The following FARS2 variants were observed in gnomAD, a reference collection of about 807,000 sequenced individuals.
The protein encoded by FARS2 is phenylalanine--tRNA ligase, mitochondrial.
Under a neutral mutation model 46.4 loss-of-function variants are expected in FARS2, and 40 were observed. The observed-to-expected ratio is 0.86, with a 90% CI of 0.67 to 1.12. The LOEUF is 1.12. Among genes scored for constraint, FARS2 ranks in the 50% most tolerant of loss-of-function variants. The probability of loss-of-function intolerance (pLI) is 0.00; values close to 1 mark genes in which losing one functional copy is unlikely to be tolerated. For synonymous variants in FARS2, 234 were observed against 214.9 expected (o/e 1.09, Z -0.78); for missense variants, 513 against 567.9 (o/e 0.90, Z 0.98).
chr6:5,685,706 G>A (rs536611690), intron 6 of FARS2, among the ~76,000 whole-genome samples: 1 of 152,232 alleles, frequency 6.6e-6, no homozygotes, highest in East Asian at 1.9e-4. Context: ...GGGGTAAGGG[G>A]AACATGCTAT....
At chr6:5,525,773 T>C (rs1333694533) in intron 4 of FARS2, among the ~76,000 whole-genome samples, 1 of 152,252 alleles carries the variant, frequency 6.6e-6, no homozygotes, top group African/African-American at 2.4e-5. Context: ...GATAATTAAC[T>C]TGGCTTCAGC....
chr6:5,345,396 T>C (rs1047018485), intron 1 of FARS2, among the ~76,000 whole-genome samples: 3 of 152,176 alleles, frequency 2.0e-5, no homozygotes, highest in Non-Finnish European at 2.9e-5. Flanking sequence ...ACTGCAGAGA[T>C]TGTGAAACTG....
chr6:5,487,705 G>A (rs1022700679), intron 4 of FARS2, among the ~76,000 whole-genome samples: 3 of 152,220 alleles, frequency 2.0e-5, no homozygotes, highest in African/African-American at 7.2e-5. Context: ...GACATCTGAT[G>A]TAGGTACGTG....
At chr6:5,419,943 A>G (rs1762451124) in intron 3 of FARS2, among the ~76,000 whole-genome samples, 1 of 152,088 alleles carries the variant, frequency 6.6e-6, no homozygotes, top group Non-Finnish European at 1.5e-5. Flanking sequence ...TACATTTTGT[A>G]TTAGTCCATT....
rs76953815 is a variant in FARS2, at chr6:5,417,019, T to C, written c.772+12318T>C. 1.9e-3 allele frequency among the ~76,000 whole-genome samples: 297 copies of C among 152,322 alleles called. 1 individual carries two copies. The highest frequency in any genetic ancestry group is 6.9e-3 in the African/African-American group (287 of 41,580). ...ATATTTAAATAGTAAGAAAAGTCTTTATATCTCCTAGGTCCTTACCATCTT... is the reference window on the plus strand; with the variant it reads ...ATATTTAAATAGTAAGAAAAGTCTTCATATCTCCTAGGTCCTTACCATCTT... On this transcript the variant is annotated intron_variant, in intron 3 of 6. Coordinates refer to ENST00000274680, the MANE Select transcript of FARS2 (RefSeq NM_006567.5).
intron 2 of FARS2, among the ~76,000 whole-genome samples, chr6:5,378,377 T>C (rs1487226349): frequency 2.6e-5 from 4 of 152,196 alleles, no homozygotes; most frequent in East Asian, 1.9e-4. Context: ...TGGCATCCTT[T>C]GTGGTTCATC....
At chr6:5,651,176 C>G (rs1318404872) in intron 6 of FARS2, among the ~76,000 whole-genome samples, 1 of 152,102 alleles carries the variant, frequency 6.6e-6, no homozygotes, top group Non-Finnish European at 1.5e-5. Flanking sequence ...AGAAGTGGAG[C>G]AGTTAGGTTT....
chr6:5,736,250 C>G (rs555781599), intron 6 of FARS2, among the ~76,000 whole-genome samples: 2 of 152,318 alleles, frequency 1.3e-5, no homozygotes, highest in Non-Finnish European at 2.9e-5. Context: ...GGGAGTGACC[C>G]AAGAGCAGGG....
Position 5,377,168 on chromosome 6 carries a change from A to G in FARS2, c.612+7986A>G, listed in dbSNP as rs531012218. On this transcript the variant is annotated intron_variant, in intron 2 of 6. Transcript: ENST00000274680. Reference sequence around the variant, plus strand: ...GGAAACTCTTACAAATCCTGTGTCTATTTAATCTGATTAAAAATGTCAGTT... The same window carrying G: ...GGAAACTCTTACAAATCCTGTGTCTGTTTAATCTGATTAAAAATGTCAGTT... Among the ~76,000 whole-genome samples, 28 of 152,324 alleles carry G rather than the reference A, an allele frequency of 1.8e-4. No individual in the cohort carries two copies. In the South Asian group the frequency reaches 4.3e-3, roughly 24 times the overall value.
intron 6 of FARS2, among the ~76,000 whole-genome samples, chr6:5,758,225 G>A (rs1297283559): frequency 1.5e-4 from 22 of 151,420 alleles, no homozygotes; most frequent in Non-Finnish European, 8.8e-5. Context: ...AATTTTTATA[G>A]GCCCAATAAT....
chr6:5,362,329 C>T (rs961987331), intron 1 of FARS2, among the ~76,000 whole-genome samples: 12 of 152,086 alleles, frequency 7.9e-5, no homozygotes, highest in African/African-American at 2.9e-4. Context: ...GTTATTTTCA[C>T]GTTGAGAAAT....
intron 1 of FARS2, among the ~76,000 whole-genome samples, chr6:5,326,540 C>T (rs1770397729): frequency 6.6e-6 from 1 of 152,192 alleles, no homozygotes; most frequent in African/African-American, 2.4e-5. Flanking sequence ...TCTGGTCTCC[C>T]GCCCTGACTG....
intron 1 of FARS2, among the ~76,000 whole-genome samples, chr6:5,347,515 C>A (rs1032265714): frequency 2.0e-5 from 3 of 151,750 alleles, no homozygotes; most frequent in Admixed American, 6.6e-5. Context: ...TGTGTGTGTG[C>A]GTGTGTGTGT....
At chr6:5,279,104 A>C (rs985564868) in intron 1 of FARS2, among the ~76,000 whole-genome samples, 4 of 152,168 alleles carry the variant, frequency 2.6e-5, no homozygotes, top group Non-Finnish European at 5.9e-5. Context: ...GAGGCCGGGC[A>C]CAGTGGCTGA....
chr6:5,497,940 C>T (rs1220583155), intron 4 of FARS2, among the ~76,000 whole-genome samples: 1 of 152,184 alleles, frequency 6.6e-6, no homozygotes, highest in Non-Finnish European at 1.5e-5. Flanking sequence ...CCTCTTTCCC[C>T]AGAGAGCTAT....
intron 4 of FARS2, among the ~76,000 whole-genome samples, chr6:5,539,060 C>G (rs950601336): frequency 1.3e-5 from 2 of 152,056 alleles, no homozygotes; most frequent in Non-Finnish European, 2.9e-5. Flanking sequence ...AGCCAGTCTC[C>G]TCTCTTTAGA....
At chr6:5,621,945 A>C (rs1300444985) in intron 6 of FARS2, among the ~76,000 whole-genome samples, 1 of 152,186 alleles carries the variant, frequency 6.6e-6, no homozygotes, top group East Asian at 1.9e-4. Flanking sequence ...TACACACATT[A>C]ACATCTCTTC....
chr6:5,403,478 A>G (rs944627711), intron 2 of FARS2, among the ~76,000 whole-genome samples: 1 of 152,098 alleles, frequency 6.6e-6, no homozygotes, highest in East Asian at 1.9e-4. Context: ...GATACTCTCA[A>G]TGCTTCTCTC....
intron 5 of FARS2, among the ~76,000 whole-genome samples, chr6:5,557,731 T>C (rs1190624468): frequency 3.9e-5 from 6 of 152,124 alleles, no homozygotes; most frequent in Non-Finnish European, 7.3e-5. Context: ...TGCTGACTAA[T>C]GCTTGAAATC....
Sources: gnomAD v4.1 joint callset for allele counts (sites outside exome capture counted in the v4.1 genomes callset) on GRCh38, gnomAD v4.1.1 for gene constraint, MANE v1.5 for transcripts, NCBI Gene and HGNC (gene_info 2026-07-23, HGNC 2026-07-21) for gene names.